Variants in CHST11 observed in about 807,000 individuals in gnomAD.
CHST11 encodes C4S-1.
In CHST11, 9 loss-of-function variants were observed where a neutral mutation model predicts 30.4. The observed-to-expected ratio is 0.30, with a 90% CI of 0.18 to 0.52. CHST11 has a LOEUF of 0.52. CHST11 is among the 20% of genes least tolerant of loss of function. The pLI is 0.97. For missense variants in CHST11, 348 were observed against 460.6 expected, an observed-to-expected ratio of 0.76 and a Z score of 2.24; for synonymous variants, 152 against 187.8, an observed-to-expected ratio of 0.81 and a Z score of 1.56.
chr12:104,540,841 T>A (rs184445424), intron 1 of CHST11, among the ~76,000 whole-genome samples: 1 of 152,176 alleles, frequency 6.6e-6, no homozygotes, highest in Non-Finnish European at 1.5e-5. Context: ...TATTTCGTGG[T>A]CTTACCTGAT....
At chr12:104,692,880 AAAAAAAAAAAC>A (rs1454706779) in intron 2 of CHST11, among the ~76,000 whole-genome samples, 3 of 142,180 alleles carry the variant, frequency 2.1e-5, no homozygotes, top group Non-Finnish European at 4.6e-5. Context: ...CCATCCATTA[AAAAAAAAAAAC>A]AAAAAAAAAA....
intron 1 of CHST11, chr12:104,588,786 C>T (rs1282955969): frequency 6.6e-6 from 1 of 152,426 alleles, no homozygotes; most frequent in Admixed American, 6.5e-5. Flanking sequence ...GGCTCCGCCT[C>T]AGGGTGTTGC....
intron 2 of CHST11, among the ~76,000 whole-genome samples, chr12:104,638,999 T>G (rs1396816816): frequency 6.6e-6 from 1 of 152,192 alleles, no homozygotes; most frequent in Non-Finnish European, 1.5e-5. Flanking sequence ...AAATGTCAGC[T>G]TGGGAGTGGG....
chr12:104,756,840 C>G, intron 2 of CHST11, 109 bp from the exon 3 acceptor site: 1 of 1,339,290 alleles, frequency 7.5e-7, no homozygotes, highest in South Asian at 1.4e-5. Context: ...AGCCACTGCA[C>G]CCAGCTTAGA....
intron 1 of CHST11, among the ~76,000 whole-genome samples, chr12:104,574,668 T>C (rs1268358427): frequency 6.6e-6 from 1 of 151,688 alleles, no homozygotes; most frequent in Admixed American, 6.6e-5. Flanking sequence ...ATGAGAACAC[T>C]TGAACACAGG....
intron 2 of CHST11, among the ~76,000 whole-genome samples, chr12:104,681,825 C>CTTTTTTTTTTTTTTTTTTTTTTTTTT (rs149441295): frequency 1.2e-5 from 1 of 85,086 alleles, no homozygotes; most frequent in Non-Finnish European, 2.1e-5. Context: ...GTCTGTTTTG[C>CTTTTTTTTTTTTTTTTTTTTTTTTTT]TTTTTTTTTT....
intron 2 of CHST11, among the ~76,000 whole-genome samples, chr12:104,604,636 G>C (rs982986954): frequency 2.0e-5 from 3 of 152,102 alleles, no homozygotes; most frequent in Non-Finnish European, 4.4e-5. Flanking sequence ...GCAGTTTCTT[G>C]TATTTCCCTA....
At chr12:104,599,648 C>T (rs1297196165) in intron 1 of CHST11, among the ~76,000 whole-genome samples, 1 of 152,150 alleles carries the variant, frequency 6.6e-6, no homozygotes, top group Non-Finnish European at 1.5e-5. Flanking sequence ...CTCTGTACAG[C>T]CTGATCAAAT....
chr12:104,464,538 C>G (rs35647694), intron 1 of CHST11, among the ~76,000 whole-genome samples: 14,381 of 152,156 alleles, frequency 0.095, 878 homozygotes, highest in East Asian at 0.28. Flanking sequence ...GGGCCTTGCT[C>G]TATTGCCCAG....
intron 1 of CHST11, among the ~76,000 whole-genome samples, chr12:104,574,046 C>A (rs536082526): frequency 6.6e-6 from 1 of 152,114 alleles, no homozygotes; most frequent in Non-Finnish European, 1.5e-5. Context: ...AACAAGTGGG[C>A]GAAGGATATG....
Position 104,744,842 on chromosome 12 carries a change from ATCAT to A in CHST11, c.205-12105_205-12102del, listed in dbSNP as rs748577776. The stretch of plus-strand genomic sequence containing the variant: ...CATAGGGACAGCCAGTTATCCCAGC[ATCAT>A]TTATTTATTTATTTATTTATTTATT... On this transcript the variant is annotated intron_variant, in intron 2 of 2. Coordinates refer to ENST00000303694, the MANE Select transcript of CHST11 (RefSeq NM_018413.6). 2.0e-4 allele frequency among the ~76,000 whole-genome samples: 29 copies of A among 141,870 alleles called. 1 individual carries two copies. Among genetic ancestry groups the A allele is most frequent in the South Asian group, 4.5e-4 (2 of 4,468 alleles). The allele number at this position is 141,870 out of a possible 152,430, so 93.1% of individuals were successfully genotyped here. A position where few individuals can be genotyped will look rare whatever the true frequency, so the allele number is the denominator to read the frequency against.
chr12:104,685,232 GCCT>G (rs1365180667), intron 2 of CHST11, among the ~76,000 whole-genome samples: 3 of 152,152 alleles, frequency 2.0e-5, no homozygotes, highest in Admixed American at 2.0e-4. Flanking sequence ...TTAATATATA[GCCT>G]CCTGAGAGGG....
chr12:104,575,364 C>T (rs1366074753), intron 1 of CHST11, among the ~76,000 whole-genome samples: 1 of 152,090 alleles, frequency 6.6e-6, no homozygotes. Context: ...GAAAAGGCCC[C>T]AGGAGCTTGC....
intron 1 of CHST11, among the ~76,000 whole-genome samples, chr12:104,529,060 G>A (rs948110558): frequency 6.6e-6 from 1 of 152,180 alleles, no homozygotes; most frequent in Non-Finnish European, 1.5e-5. Context: ...TTAGTGCTCA[G>A]GCAGACCCTG....
rs2039398510 is a variant in CHST11, at chr12:104,643,622, CAG to C, written c.204+41635_204+41636del. 2.3e-5 allele frequency among the ~76,000 whole-genome samples: 3 copies of C among 130,766 alleles called. No homozygotes were observed. The East Asian group carries it at 6.7e-4, about 29-fold the overall frequency. 85.8% of individuals were successfully genotyped at this position (130,766 alleles called of 152,430 possible). A position where few individuals can be genotyped will look rare whatever the true frequency, so the allele number is the denominator to read the frequency against. On this transcript the variant is annotated intron_variant, in intron 2 of 2. Coordinates refer to ENST00000303694, the MANE Select transcript of CHST11 (RefSeq NM_018413.6). ...CATTTGAGGAACTTAAGAGGACATT[CAG>C]AGACTTTTTCTTCACACACACACAC...
At chr12:104,632,196 A>T (rs541056984) in intron 2 of CHST11, among the ~76,000 whole-genome samples, 1 of 151,928 alleles carries the variant, frequency 6.6e-6, no homozygotes, top group African/African-American at 2.4e-5. Flanking sequence ...TTCTGCCCCA[A>T]ATGATGGATG....
chr12:104,514,442 C>A, intron 1 of CHST11: 1 of 863,584 alleles, frequency 1.2e-6, no homozygotes, highest in Non-Finnish European at 2.0e-6. Context: ...CCATGTGAGA[C>A]TCTGTGGGGG....
At position 104,511,020 on chromosome 12, in the gene CHST11, A is replaced by G. The variant is rs567426870; in HGVS notation, c.118+53491A>G. ...AAAAGCCCAAAACCTTTTGTTTGAA[A>G]TGACCATAAATCAAAGCATTATGGG... On this transcript the variant is annotated intron_variant, in intron 1 of 2. Transcript: ENST00000303694. Among the ~76,000 whole-genome samples the G allele has an allele frequency of 3.9e-5, 6 of 152,342 alleles. No individual in the cohort carries two copies. In the East Asian group the frequency reaches 7.7e-4, roughly 20 times the overall value.
intron 2 of CHST11, among the ~76,000 whole-genome samples, chr12:104,648,655 CA>C (rs887557538): frequency 5.3e-5 from 8 of 150,952 alleles, no homozygotes; most frequent in African/African-American, 1.2e-4. Context: ...ACTAAAAATA[CA>C]AAAAAAAATT....
Sources: allele counts gnomAD v4.1 joint callset (sites outside exome capture counted in the v4.1 genomes callset), GRCh38; gene constraint gnomAD v4.1.1; transcripts MANE v1.5; gene names NCBI Gene and HGNC (gene_info 2026-07-23, HGNC 2026-07-21).